Variants in SLC10A7 observed in about 807,000 individuals in gnomAD.
SLC10A7 encodes the protein solute carrier family 10 member 7, also known as sodium/bile acid cotransporter 7.
In SLC10A7, 29 loss-of-function variants were observed where a neutral mutation model predicts 43.2. The observed-to-expected ratio is 0.67, with a 90% confidence interval of 0.50 to 0.92. The LOEUF (loss-of-function observed/expected upper bound fraction) is 0.92. Ranked by LOEUF, SLC10A7 falls within the 40% of genes least tolerant of loss-of-function variation. The probability of loss-of-function intolerance (pLI) is 0.00; values close to 1 mark genes in which losing one functional copy is unlikely to be tolerated. For missense variants in SLC10A7, 295 were observed against 403.2 expected, an observed-to-expected ratio of 0.73 and a Z score of 2.30; for synonymous variants, 152 against 144.8, an observed-to-expected ratio of 1.05 and a Z score of -0.35.
At chr4:146,349,356 C>T (rs1478802574) in intron 5 of SLC10A7, among the ~76,000 whole-genome samples, 2 of 152,102 alleles carry the variant, frequency 1.3e-5, no homozygotes, top group Non-Finnish European at 2.9e-5. Context: ...AAGTAAAAAA[C>T]AACAGTTGAT....
At chr4:146,513,412 A>G (rs1737660739) in intron 2 of SLC10A7, among the ~76,000 whole-genome samples, 1 of 152,090 alleles carries the variant, frequency 6.6e-6, no homozygotes, top group South Asian at 2.1e-4. Context: ...CATATAAAAC[A>G]TATTTTTTAA....
At chr4:146,290,814 G>A (rs2111173959) in intron 9 of SLC10A7, among the ~76,000 whole-genome samples, 1 of 152,010 alleles carries the variant, frequency 6.6e-6, no homozygotes, top group Middle Eastern at 3.4e-3. Flanking sequence ...AAGCTATGAT[G>A]GCATCACTGC....
intron 5 of SLC10A7, among the ~76,000 whole-genome samples, chr4:146,376,645 C>T (rs115284095): frequency 2.4e-4 from 36 of 152,238 alleles, no homozygotes; most frequent in Non-Finnish European, 3.7e-4. Flanking sequence ...GCCACCCCAT[C>T]GCTTGTTTGA....
At chr4:146,518,924 A>C (rs1221487096) in intron 1 of SLC10A7, among the ~76,000 whole-genome samples, 1 of 151,088 alleles carries the variant, frequency 6.6e-6, no homozygotes, top group East Asian at 1.9e-4. Context: ...CACCTGGTTC[A>C]TGGTAATTTG....
At chr4:146,292,280 A>G (rs1040908087) in intron 9 of SLC10A7, among the ~76,000 whole-genome samples, 2 of 152,250 alleles carry the variant, frequency 1.3e-5, no homozygotes, top group African/African-American at 4.8e-5. Context: ...TATGAAATGC[A>G]TAACAAAAGT....
chr4:146,401,157 A>T (rs1467900996), intron 5 of SLC10A7, among the ~76,000 whole-genome samples: 4 of 152,148 alleles, frequency 2.6e-5, no homozygotes, highest in Non-Finnish European at 5.9e-5. Flanking sequence ...TTTCTGAGAG[A>T]TCATAAGCTA....
intron 4 of SLC10A7, among the ~76,000 whole-genome samples, chr4:146,468,812 G>A (rs1429358687): frequency 6.6e-6 from 1 of 152,024 alleles, no homozygotes; most frequent in Non-Finnish European, 1.5e-5. Context: ...AATTTACTGT[G>A]ATTTTAAAAT....
At chr4:146,474,546 T>C (rs958861402) in intron 4 of SLC10A7, among the ~76,000 whole-genome samples, 2 of 152,106 alleles carry the variant, frequency 1.3e-5, no homozygotes, top group African/African-American at 4.8e-5. Context: ...GTATATGAAA[T>C]AGAAATCTAG....
intron 5 of SLC10A7, among the ~76,000 whole-genome samples, chr4:146,357,532 C>CAGTA (rs1735741415): frequency 6.6e-6 from 1 of 152,224 alleles, no homozygotes; most frequent in South Asian, 2.1e-4. Context: ...TAGGCAGGAA[C>CAGTA]TACTCATCGT....
intron 7 of SLC10A7, among the ~76,000 whole-genome samples, chr4:146,294,740 A>C (rs1308170368): frequency 1.3e-5 from 2 of 152,232 alleles, no homozygotes; most frequent in Admixed American, 1.3e-4. Flanking sequence ...TAACATTTAA[A>C]AATGAATAAA....
chr4:146,373,452 C>T (rs1056481387), intron 5 of SLC10A7, among the ~76,000 whole-genome samples: 3 of 130,340 alleles, frequency 2.3e-5, no homozygotes, highest in Non-Finnish European at 3.1e-5. Flanking sequence ...CCAACCTAGG[C>T]GAGATAGCAA....
At chr4:146,368,495 A>C (rs1242378583) in intron 5 of SLC10A7, among the ~76,000 whole-genome samples, 1 of 152,258 alleles carries the variant, frequency 6.6e-6, no homozygotes, top group Non-Finnish European at 1.5e-5. Context: ...TGGCTTTGAC[A>C]TTAAATTAGC....
At chr4:146,416,623 C>T (rs1728583458) in intron 5 of SLC10A7, among the ~76,000 whole-genome samples, 3 of 152,138 alleles carry the variant, frequency 2.0e-5, no homozygotes, top group Admixed American at 2.0e-4. Context: ...AAAGGAACTG[C>T]ACTACTTACC....
intron 3 of SLC10A7, among the ~76,000 whole-genome samples, chr4:146,508,601 C>T (rs1294622624): frequency 6.6e-6 from 1 of 152,180 alleles, no homozygotes; most frequent in Non-Finnish European, 1.5e-5. Context: ...AGAAGTCACG[C>T]TTGGTTCCTC....
At position 146,258,803 on chromosome 4, in the gene SLC10A7, A is replaced by G. The variant is rs772810174; in HGVS notation, c.882T>C (p.His294=). The G allele has an allele frequency of 1.9e-6, 3 of 1,610,006 alleles. No individual in the cohort carries two copies. The South Asian group carries it at 3.3e-5, about 18-fold the overall frequency. ...GTACAGATATTAAAGAGAGATGCTC[A>G]TGGCCTGCAAACACGATCTTCAGCA... ...IPMLKIVFAG[H]EHLSLISVPL... is the part of the protein sequence containing the mutation. The change falls in exon 11 of 12, where the codon CAT becomes CAC. Residue 294 remains histidine, a synonymous_variant. Coordinates refer to ENST00000335472, the MANE Select transcript of SLC10A7 (RefSeq NM_001029998.6).
rs1731087291 is a variant in SLC10A7 at position 146,300,478 on chromosome 4, G to T, written c.555+5448C>A. On this transcript the variant is annotated intron_variant, in intron 7 of 11. Coordinates refer to ENST00000335472, the MANE Select transcript of SLC10A7 (RefSeq NM_001029998.6). Reference sequence around the variant, plus strand: ...ACTGCAGGCAGAGACGACCTTGTGAGGTGGTGATTATAGGAGGAGGTGGCT... The same window carrying T: ...ACTGCAGGCAGAGACGACCTTGTGATGTGGTGATTATAGGAGGAGGTGGCT... Among the ~76,000 whole-genome samples the T allele has an allele frequency of 2.6e-5, 4 of 152,218 alleles. No homozygotes were observed. In the South Asian group the frequency reaches 8.3e-4, roughly 32 times the overall value.
At chr4:146,402,619 G>A (rs924245966) in intron 5 of SLC10A7, among the ~76,000 whole-genome samples, 4 of 152,170 alleles carry the variant, frequency 2.6e-5, no homozygotes, top group African/African-American at 7.2e-5. Flanking sequence ...GAAGAGGAAA[G>A]GGGAAAAAAG....
At chr4:146,465,933 A>C (rs1264109955) in intron 4 of SLC10A7, among the ~76,000 whole-genome samples, 1 of 152,214 alleles carries the variant, frequency 6.6e-6, no homozygotes, top group Non-Finnish European at 1.5e-5. Context: ...CCAAATTGTG[A>C]ACATAGTTTG....
chr4:146,394,543 G>T (rs1039812808), intron 5 of SLC10A7, among the ~76,000 whole-genome samples: 1 of 151,988 alleles, frequency 6.6e-6, no homozygotes, highest in Non-Finnish European at 1.5e-5. Context: ...TTGTATTTTA[G>T]TAGAGATGGG....
Sources: gnomAD v4.1 joint callset for allele counts (sites outside exome capture counted in the v4.1 genomes callset) on GRCh38, gnomAD v4.1.1 for gene constraint, MANE v1.5 for transcripts, NCBI Gene and HGNC (gene_info 2026-07-23, HGNC 2026-07-21) for gene names.